The following MYO1D variants were observed in gnomAD, a reference collection of about 807,000 sequenced individuals.
MYO1D encodes myosin ID.
A neutral mutation model predicts 122.0 loss-of-function variants in MYO1D; 83 were observed. The ratio of observed to expected loss-of-function variants is 0.68; its 90% confidence interval spans 0.57 to 0.82. The LOEUF is 0.82. Among genes scored for constraint, MYO1D ranks in the 40% least tolerant of loss-of-function variants. The pLI is 0.00. For synonymous variants in MYO1D, 464 were observed against 446.9 expected (o/e 1.04, Z -0.48); for missense variants, 1,157 against 1,269.5 (o/e 0.91, Z 1.35).
chr17:32,579,965 T>C (rs1417181632), intron 21 of MYO1D, among the ~76,000 whole-genome samples: 3 of 152,254 alleles, frequency 2.0e-5, no homozygotes, highest in Non-Finnish European at 1.5e-5. Context: ...TATGTCTTTA[T>C]ATGGATAAAT....
At chr17:32,740,761 C>T (rs933348183) in intron 13 of MYO1D, among the ~76,000 whole-genome samples, 1 of 152,290 alleles carries the variant, frequency 6.6e-6, no homozygotes, top group East Asian at 1.9e-4. Context: ...AGGTGTCAGC[C>T]ACCATGCCCA....
chr17:32,594,463 C>T, intron 21 of MYO1D: 1 of 474,762 alleles, frequency 2.1e-6, no homozygotes, highest in Non-Finnish European at 3.8e-6. Context: ...TTGTTTGTTT[C>T]TCAGCCAGCA....
At position 32,823,922 on chromosome 17, in the gene MYO1D, C is replaced by CG. The variant is rs564181774; in HGVS notation, c.96-43139dup. On this transcript the variant is annotated intron_variant, in intron 1 of 21. Coordinates refer to ENST00000318217, the MANE Select transcript of MYO1D (RefSeq NM_015194.3). The stretch of plus-strand genomic sequence containing the variant: ...CTCTACTAAAAATATAAAAAATTAG[C>CG]GGGGCGTGGTGGTGGGCACCTGTAG... Among the ~76,000 whole-genome samples the CG allele has an allele frequency of 8.3e-3, 1,260 of 151,772 alleles. 13 individuals are homozygous for CG. Among genetic ancestry groups the CG allele is most frequent in the South Asian group, 0.028 (133 of 4,770 alleles).
intron 10 of MYO1D, among the ~76,000 whole-genome samples, chr17:32,757,680 G>T (rs916512190): frequency 2.6e-5 from 4 of 152,276 alleles, no homozygotes; most frequent in Middle Eastern, 3.4e-3. Context: ...AGGGACTAAA[G>T]AATTACCTTC....
intron 1 of MYO1D, among the ~76,000 whole-genome samples, chr17:32,817,897 C>A (rs1399127915): frequency 6.6e-6 from 1 of 151,554 alleles, no homozygotes; most frequent in African/African-American, 2.4e-5. Context: ...GAGGCCGAGG[C>A]GGGCGGATCA....
At chr17:32,574,418 T>C (rs1261199541) in intron 21 of MYO1D, among the ~76,000 whole-genome samples, 1 of 152,166 alleles carries the variant, frequency 6.6e-6, no homozygotes, top group Non-Finnish European at 1.5e-5. Context: ...AAAGAAATTC[T>C]GTTTTCTTTC....
At chr17:32,766,722 G>T (rs986498201) in intron 7 of MYO1D, among the ~76,000 whole-genome samples, 3 of 151,974 alleles carry the variant, frequency 2.0e-5, no homozygotes, top group Non-Finnish European at 4.4e-5. Context: ...AACTCGGGAG[G>T]TGGAGCTTGC....
intron 1 of MYO1D, among the ~76,000 whole-genome samples, chr17:32,867,746 G>A (rs1047168790): frequency 1.5e-5 from 2 of 136,284 alleles, no homozygotes; most frequent in African/African-American, 2.8e-5. Context: ...GCAGTGAGCC[G>A]AGAGATCATG....
intron 20 of MYO1D, among the ~76,000 whole-genome samples, chr17:32,626,961 A>G (rs925209154): frequency 1.3e-5 from 2 of 152,144 alleles, no homozygotes; most frequent in African/African-American, 4.8e-5. Context: ...ATAAGAAAAA[A>G]ATTTCATCTG....
chr17:32,725,135 A>C (rs1193348397), intron 14 of MYO1D, among the ~76,000 whole-genome samples: 5 of 152,216 alleles, frequency 3.3e-5, no homozygotes, highest in African/African-American at 1.2e-4. Context: ...GAAACTATGA[A>C]AAAGAACCAA....
At chr17:32,701,853 C>A (rs908672333) in intron 16 of MYO1D, among the ~76,000 whole-genome samples, 1 of 152,184 alleles carries the variant, frequency 6.6e-6, no homozygotes, top group Non-Finnish European at 1.5e-5. Context: ...AGGGGTGAAC[C>A]CCCATGCCCT....
chr17:32,679,365 T>A (rs937268643), intron 16 of MYO1D, among the ~76,000 whole-genome samples: 2 of 151,934 alleles, frequency 1.3e-5, no homozygotes, highest in Non-Finnish European at 1.5e-5. Context: ...AATGCCTAGG[T>A]TTTCTTCTAG....
intron 10 of MYO1D, among the ~76,000 whole-genome samples, chr17:32,758,588 G>T (rs555829781): frequency 3.3e-5 from 5 of 152,182 alleles, no homozygotes; most frequent in Non-Finnish European, 5.9e-5. Context: ...GGAGTAGGTG[G>T]GTATAGTACA....
At chr17:32,513,288 G>A (rs1475201747) in intron 21 of MYO1D, among the ~76,000 whole-genome samples, 1 of 152,232 alleles carries the variant, frequency 6.6e-6, no homozygotes, top group African/African-American at 2.4e-5. Context: ...GGCAGAAAGA[G>A]CTGTGATCAT....
At chr17:32,659,453 C>T (rs2088527240) in intron 16 of MYO1D, 115 bp from the exon 17 acceptor site, 2 of 1,029,674 alleles carry the variant, frequency 1.9e-6, no homozygotes, top group Non-Finnish European at 2.9e-6. Flanking sequence ...TGCAAGTGTG[C>T]ACAAAAATCA....
chr17:32,875,640 A>C (rs563866941), intron 1 of MYO1D, among the ~76,000 whole-genome samples: 1 of 152,260 alleles, frequency 6.6e-6, no homozygotes, highest in African/African-American at 2.4e-5. Context: ...GTACATCCAA[A>C]CCTTGATCAG....
intron 16 of MYO1D, among the ~76,000 whole-genome samples, chr17:32,675,013 A>G (rs1272958888): frequency 6.6e-6 from 1 of 152,248 alleles, no homozygotes; most frequent in African/African-American, 2.4e-5. Context: ...AGGATAAGAC[A>G]ATGTATATTT....
At chr17:32,655,221 T>A (rs1296944900) in intron 17 of MYO1D, among the ~76,000 whole-genome samples, 1 of 152,244 alleles carries the variant, frequency 6.6e-6, no homozygotes, top group East Asian at 1.9e-4. Flanking sequence ...ATTGGATTCA[T>A]CATTCATTCA....
chr17:32,839,747 T>C (rs1266029706), intron 1 of MYO1D, among the ~76,000 whole-genome samples: 1 of 152,168 alleles, frequency 6.6e-6, no homozygotes, highest in Non-Finnish European at 1.5e-5. Context: ...TTTAGGCCTG[T>C]ATTTACTCTC....
Sources: allele counts gnomAD v4.1 joint callset (sites outside exome capture counted in the v4.1 genomes callset), GRCh38; gene constraint gnomAD v4.1.1; transcripts MANE v1.5; gene names NCBI Gene and HGNC (gene_info 2026-07-23, HGNC 2026-07-21).